The following POLD3 variants were observed in gnomAD, a reference collection of about 807,000 sequenced individuals.
POLD3 encodes DNA polymerase delta subunit 3.
POLD3 carries 19 observed loss-of-function variants against 58.2 expected under a neutral mutation model. That is an observed-to-expected ratio of 0.33 (90% CI 0.23 to 0.48). POLD3 has a LOEUF of 0.48. Ranked by LOEUF, POLD3 falls within the 20% of genes least tolerant of loss-of-function variation. The pLI, the probability that POLD3 is intolerant of heterozygous loss-of-function variation, is 0.99. For missense variants in POLD3, 504 were observed against 545.5 expected, an observed-to-expected ratio of 0.92 and a Z score of 0.76; for synonymous variants, 172 against 193.5, an observed-to-expected ratio of 0.89 and a Z score of 0.92.
At chr11:74,636,099 G>C in intron 10 of POLD3, 98 bp from the exon 11 acceptor site, 1 of 1,082,786 alleles carries the variant, frequency 9.2e-7, no homozygotes, top group Non-Finnish European at 1.3e-6. Context: ...TATCATAATG[G>C]AGTATTGGAG....
intron 9 of POLD3, among the ~76,000 whole-genome samples, chr11:74,632,876 A>T (rs76121309): frequency 0.069 from 8,790 of 127,382 alleles, 384 homozygotes; most frequent in Middle Eastern, 0.16. Context: ...ATTTAAGTAA[A>T]TACACACACA....
intron 3 of POLD3, among the ~76,000 whole-genome samples, chr11:74,609,583 A>G (rs1044327646): frequency 6.6e-6 from 1 of 151,130 alleles, no homozygotes; most frequent in African/African-American, 2.4e-5. Context: ...GGGCTTTGCC[A>G]TCTCGGCCAG....
chr11:74,607,248 T>TATA (rs1565114139), intron 3 of POLD3, among the ~76,000 whole-genome samples: 8,297 of 95,760 alleles, frequency 0.087, 319 homozygotes, highest in Middle Eastern at 0.19. Flanking sequence ...TATTATATAT[T>TATA]TATTTATTTA....
chr11:74,617,234 A>G (rs2032106813), intron 5 of POLD3, among the ~76,000 whole-genome samples: 1 of 152,196 alleles, frequency 6.6e-6, no homozygotes, highest in African/African-American at 2.4e-5. Context: ...AGAGAGATGT[A>G]TGTTCCCTTT....
intron 10 of POLD3, 96 bp from the exon 11 acceptor site, chr11:74,636,101 G>GTA (rs1486387238): frequency 8.9e-7 from 1 of 1,118,112 alleles, no homozygotes; most frequent in East Asian, 2.4e-5. Context: ...TCATAATGGA[G>GTA]TATTGGAGAG....
intron 4 of POLD3, among the ~76,000 whole-genome samples, chr11:74,651,120 TCTC>T (rs2033063751): frequency 6.6e-6 from 1 of 152,318 alleles, no homozygotes; most frequent in African/African-American, 2.4e-5. Flanking sequence ...TTATTGGCTA[TCTC>T]CTCCACCACA....
chr11:74,603,315 G>A (rs1352964393), intron 2 of POLD3, among the ~76,000 whole-genome samples: 1 of 152,218 alleles, frequency 6.6e-6, no homozygotes, highest in African/African-American at 2.4e-5. Context: ...TGGAGGGCAT[G>A]GAGTCAAGAA....
intron 4 of POLD3, chr11:74,668,764 G>A: frequency 7.8e-7 from 1 of 1,283,110 alleles, no homozygotes; most frequent in South Asian, 1.2e-5. Context: ...TTTCTGTTGT[G>A]TTTTTTTTAC....
chr11:74,611,569 C>G, intron 4 of POLD3, 31 bp downstream of exon 4: 3 of 1,294,634 alleles, frequency 2.3e-6, no homozygotes, highest in Non-Finnish European at 3.3e-6. Context: ...GCAAGTTTTT[C>G]CTCTTATGGC....
Position 74,642,737 on chromosome 11 carries a change from CTGAGTATCTGA to C in POLD3, c.*1977_*1987del. ...AGTTGTTTTAAAACAGTGCTTCAAA[CTGAGTATCTGA>C]TGAGTCTCTTATTTGATGGATGGTA... On this transcript the variant is annotated 3_prime_UTR_variant, in exon 12 of 12. Transcript: ENST00000263681. 1.0e-6 allele frequency: 1 copy of C among 983,556 alleles called. No homozygotes were observed. The highest frequency in any genetic ancestry group is 1.2e-6 in the Non-Finnish European group (1 of 828,608). 60.9% of individuals were successfully genotyped at this position (983,556 alleles called of 1,614,324 possible). A position where few individuals can be genotyped will look rare whatever the true frequency, so the allele number is the denominator to read the frequency against.
chr11:74,668,254 C>A (rs936845141), intron 4 of POLD3, among the ~76,000 whole-genome samples: 16 of 152,134 alleles, frequency 1.1e-4, no homozygotes, highest in Non-Finnish European at 1.6e-4. Context: ...AACATACATT[C>A]ATACAAAATC....
At position 74,641,934 on chromosome 11, in the gene POLD3, A is replaced by G. The variant is rs1218933156; in HGVS notation, c.*1168A>G. The G allele has an allele frequency of 6.1e-6, 6 of 985,312 alleles. No homozygotes were observed. 61.0% of individuals were successfully genotyped at this position (985,312 alleles called of 1,614,324 possible). A position where few individuals can be genotyped will look rare whatever the true frequency, so the allele number is the denominator to read the frequency against. ...TTATGGAAAATCATCTATTACAATG[A>G]TAACCTTCAAGTGACTTCCATTATG... On this transcript the variant is annotated 3_prime_UTR_variant, in exon 12 of 12. Coordinates refer to ENST00000263681, the MANE Select transcript of POLD3 (RefSeq NM_006591.3).
Position 74,634,581 on chromosome 11 carries a change from A to C in POLD3, c.1007-2A>C. ...TGATCTAAGTCCGTTTCATTATTTCAGTCTTTCCAGACTCTCCTGGGGCTT... is the reference window on the plus strand; with the variant it reads ...TGATCTAAGTCCGTTTCATTATTTCCGTCTTTCCAGACTCTCCTGGGGCTT... On this transcript the variant is annotated splice_acceptor_variant, in intron 9 of 11. Coordinates refer to ENST00000263681, the MANE Select transcript of POLD3 (RefSeq NM_006591.3). LOFTEE classifies it high-confidence loss of function. 2.6e-6 allele frequency: 4 copies of C among 1,528,312 alleles called. No individual in the cohort carries two copies. Among genetic ancestry groups the C allele is most frequent in the Non-Finnish European group, 3.6e-6 (4 of 1,101,834 alleles). 94.7% of individuals were successfully genotyped at this position (1,528,312 alleles called of 1,614,324 possible). A position where few individuals can be genotyped will look rare whatever the true frequency, so the allele number is the denominator to read the frequency against.
intron 4 of POLD3, among the ~76,000 whole-genome samples, chr11:74,663,778 CCTT>C (rs1295853887): frequency 3.3e-5 from 5 of 152,064 alleles, no homozygotes; most frequent in African/African-American, 1.2e-4. Context: ...AAAATTTAAA[CCTT>C]CTGCTAAGCA....
chr11:74,615,504 C>G (rs1019998164), intron 5 of POLD3, among the ~76,000 whole-genome samples: 5 of 152,172 alleles, frequency 3.3e-5, no homozygotes, highest in African/African-American at 9.7e-5. Flanking sequence ...TGACCAGATT[C>G]TGGTGAGCTA....
chr11:74,628,125 G>T (rs1257429799), intron 8 of POLD3, among the ~76,000 whole-genome samples: 1 of 151,972 alleles, frequency 6.6e-6, no homozygotes, highest in Non-Finnish European at 1.5e-5. Context: ...GATCTAAATT[G>T]TTGAGTTTAT....
intron 4 of POLD3, among the ~76,000 whole-genome samples, chr11:74,657,892 T>C (rs2033156830): frequency 6.6e-6 from 1 of 152,242 alleles, no homozygotes; most frequent in African/African-American, 2.4e-5. Flanking sequence ...GTTTGAAGGA[T>C]GTTTTCACCA....
intron 10 of POLD3, among the ~76,000 whole-genome samples, chr11:74,635,066 G>A (rs760507884): frequency 3.9e-5 from 6 of 152,200 alleles, no homozygotes; most frequent in Non-Finnish European, 8.8e-5. Context: ...ACACACGTTT[G>A]TTGCTCTTCA....
In POLD3 at chr11:74,634,706, A is replaced by G. The variant is rs1309355971; in HGVS notation, c.1119+11A>G. The G allele has an allele frequency of 1.4e-6, 2 of 1,459,120 alleles. No homozygotes were observed. Among genetic ancestry groups the G allele is most frequent in the African/African-American group, 1.4e-5 (1 of 71,818 alleles). 90.4% of individuals were successfully genotyped at this position (1,459,120 alleles called of 1,614,324 possible). ...CCTCCTTCTGTCAAGGTAAAATTAT[A>G]CTGGGATTCTTGCATGTCCATGCAT... is the stretch of plus-strand genomic sequence containing the variant. On this transcript the variant is annotated intron_variant, in intron 10 of 11. Transcript: ENST00000263681.
Sources: gnomAD v4.1 joint callset for allele counts (sites outside exome capture counted in the v4.1 genomes callset) on GRCh38, gnomAD v4.1.1 for gene constraint, MANE v1.5 for transcripts, NCBI Gene and HGNC (gene_info 2026-07-23, HGNC 2026-07-21) for gene names.